Variants in MIR2052HG observed in about 807,000 individuals in gnomAD.
MIR2052HG encodes MIR2052 host gene.
chr8:74,668,914 T>C (rs532570263), intron 2 of MIR2052HG, among the ~76,000 whole-genome samples: 2 of 152,270 alleles, frequency 1.3e-5, no homozygotes, highest in East Asian at 3.9e-4. Flanking sequence ...GTTCAATCTC[T>C]CCTCCTGCTC....
chr8:74,692,506 C>T (rs569528421), intron 2 of MIR2052HG, among the ~76,000 whole-genome samples: 11 of 152,280 alleles, frequency 7.2e-5, no homozygotes, highest in Non-Finnish European at 1.2e-4. Context: ...GGCGTGATGA[C>T]GTAACTTCTG....
chr8:74,603,746 A>G (rs1406034165), intron 1 of MIR2052HG: 18 of 850,604 alleles, frequency 2.1e-5, no homozygotes, highest in Non-Finnish European at 3.7e-5. Flanking sequence ...GGGGACTCCA[A>G]CATGACCACA....
chr8:74,600,852 G>A (rs966670867), intron 1 of MIR2052HG, among the ~76,000 whole-genome samples: 2 of 152,104 alleles, frequency 1.3e-5, no homozygotes, highest in Non-Finnish European at 2.9e-5. Context: ...GGGATTACAG[G>A]CGTGAGCCAC....
intron 4 of MIR2052HG, among the ~76,000 whole-genome samples, chr8:74,711,819 A>T (rs1179130179): frequency 1.3e-5 from 2 of 152,192 alleles, no homozygotes; most frequent in Non-Finnish European, 2.9e-5. Flanking sequence ...TTAAAGGGAA[A>T]ATTATAACCG....
intron 2 of MIR2052HG, among the ~76,000 whole-genome samples, chr8:74,664,740 A>G (rs1808904040): frequency 6.6e-6 from 1 of 151,834 alleles, no homozygotes; most frequent in African/African-American, 2.4e-5. Flanking sequence ...CCGGTCTCGA[A>G]CTCCTGACCT....
At chr8:74,749,703 G>T (rs1466299346) in intron 4 of MIR2052HG, among the ~76,000 whole-genome samples, 3 of 151,960 alleles carry the variant, frequency 2.0e-5, no homozygotes, top group Admixed American at 6.6e-5. Flanking sequence ...ACAAAAATTA[G>T]CTGGGTATGG....
intron 2 of MIR2052HG, among the ~76,000 whole-genome samples, chr8:74,669,464 C>T (rs1446786683): frequency 6.6e-5 from 10 of 152,172 alleles, no homozygotes; most frequent in Admixed American, 6.6e-4. Context: ...ATATGTCTTC[C>T]ACTGGCAGAC....
exon 5 of MIR2052HG, chr8:74,752,530 G>T (rs945535276): frequency 2.2e-6 from 1 of 455,028 alleles, no homozygotes; most frequent in African/African-American, 2.0e-5. Flanking sequence ...GAGTTCATCT[G>T]AAAGTAAGTA....
At chr8:74,648,314 C>A (rs564661935) in intron 2 of MIR2052HG, among the ~76,000 whole-genome samples, 1 of 152,180 alleles carries the variant, frequency 6.6e-6, no homozygotes, top group Admixed American at 6.5e-5. Flanking sequence ...TCCTGCAGTA[C>A]CCTCAGCTTA....
At chr8:74,626,995 ACT>A (rs1401993018) in intron 2 of MIR2052HG, among the ~76,000 whole-genome samples, 1 of 151,990 alleles carries the variant, frequency 6.6e-6, no homozygotes, top group African/African-American at 2.4e-5. Context: ...AAAATATTCT[ACT>A]CTCCTCTGGC....
chr8:74,673,460 G>A (rs1195147663), intron 2 of MIR2052HG, among the ~76,000 whole-genome samples: 1 of 151,994 alleles, frequency 6.6e-6, no homozygotes, highest in Non-Finnish European at 1.5e-5. Flanking sequence ...GGCTGCCTTG[G>A]TTGGCTATCA....
intron 4 of MIR2052HG, among the ~76,000 whole-genome samples, chr8:74,748,039 T>C (rs970081305): frequency 2.3e-4 from 35 of 152,246 alleles, no homozygotes; most frequent in Non-Finnish European, 4.4e-5. Flanking sequence ...ACTTCTGTGA[T>C]TCTTAACCAA....
chr8:74,647,268 C>A (rs1808698669), intron 2 of MIR2052HG, among the ~76,000 whole-genome samples: 1 of 152,156 alleles, frequency 6.6e-6, no homozygotes, highest in African/African-American at 2.4e-5. Context: ...CAGAAACACC[C>A]AGGTTTTAGG....
chr8:74,613,646 C>T (rs185431195), intron 2 of MIR2052HG, among the ~76,000 whole-genome samples: 47 of 152,246 alleles, frequency 3.1e-4, no homozygotes, highest in Non-Finnish European at 5.6e-4. Flanking sequence ...CCACCACGCC[C>T]GGCTAATTTT....
chr8:74,613,680 T>C (rs1161183156), intron 2 of MIR2052HG, among the ~76,000 whole-genome samples: 1 of 152,126 alleles, frequency 6.6e-6, no homozygotes, highest in African/African-American at 2.4e-5. Context: ...AGAGACGGGG[T>C]TTTGCCATGT....
intron 4 of MIR2052HG, among the ~76,000 whole-genome samples, chr8:74,719,559 A>G (rs957538121): frequency 2.6e-5 from 4 of 152,210 alleles, no homozygotes; most frequent in Non-Finnish European, 5.9e-5. Flanking sequence ...TAGCAAGCAC[A>G]GCCAATTATG....
At chr8:74,654,792 G>A (rs970121915) in intron 2 of MIR2052HG, among the ~76,000 whole-genome samples, 3 of 152,184 alleles carry the variant, frequency 2.0e-5, no homozygotes, top group African/African-American at 7.2e-5. Flanking sequence ...CCGAAAATGT[G>A]GAAGCGACTT....
At chr8:74,680,358 A>T (rs954940466) in intron 2 of MIR2052HG, among the ~76,000 whole-genome samples, 4 of 151,548 alleles carry the variant, frequency 2.6e-5, no homozygotes, top group Non-Finnish European at 5.9e-5. Flanking sequence ...ACTCAAACAA[A>T]TTTACAAGAA....
rs181153016 is a variant in MIR2052HG at position 74,610,507 on chromosome 8, A to G, written n.129-2346A>G. On this transcript the variant is annotated intron_variant and non_coding_transcript_variant, in intron 1 of 6. Coordinates refer to ENST00000523442, the Ensembl canonical transcript of MIR2052HG. Reference sequence around the variant, plus strand: ...ATAGAAATTGACATGCTCATTCTAAAATTTATGTAGAAATGCCAACCACTG... The same window carrying G: ...ATAGAAATTGACATGCTCATTCTAAGATTTATGTAGAAATGCCAACCACTG... 2.8e-4 allele frequency among the ~76,000 whole-genome samples: 43 copies of G among 151,990 alleles called. No individual in the cohort carries two copies. The East Asian group carries it at 6.0e-3, about 21-fold the overall frequency.
Sources: gnomAD v4.1 joint callset for allele counts (sites outside exome capture counted in the v4.1 genomes callset) on GRCh38, gnomAD v4.1.1 for gene constraint, MANE v1.5 for transcripts, NCBI Gene and HGNC (gene_info 2026-07-23, HGNC 2026-07-21) for gene names.